PTPRC: variants seen among roughly 807,000 people sequenced by gnomAD.
PTPRC encodes protein tyrosine phosphatase receptor type C, also known as receptor-type tyrosine-protein phosphatase C.
Under a neutral mutation model 155.9 loss-of-function variants are expected in PTPRC, and 44 were observed. The ratio of observed to expected loss-of-function variants is 0.28; its 90% CI spans 0.22 to 0.36. PTPRC has a LOEUF of 0.36. Among genes scored for constraint, PTPRC ranks in the 10% least tolerant of loss-of-function variants. The pLI is 1.00. For missense variants in PTPRC, 1,401 were observed against 1,564.6 expected (o/e 0.90, Z 1.76); for synonymous variants, 525 against 533.1 (o/e 0.98, Z 0.21).
chr1:198,688,532 G>T (rs1371955117), intron 2 of PTPRC, among the ~76,000 whole-genome samples: 2 of 152,132 alleles, frequency 1.3e-5, no homozygotes, highest in Non-Finnish European at 2.9e-5. Context: ...TGACTTTCCT[G>T]TCAAAATAGT....
chr1:198,753,259 CATT>C (rs1424640653), intron 31 of PTPRC, among the ~76,000 whole-genome samples: 2 of 151,912 alleles, frequency 1.3e-5, no homozygotes, highest in African/African-American at 4.8e-5. Context: ...ATTTGAAACT[CATT>C]ATTTAATTTT....
chr1:198,655,227 C>G (rs1031901248), intron 2 of PTPRC, among the ~76,000 whole-genome samples: 5 of 149,794 alleles, frequency 3.3e-5, no homozygotes, highest in African/African-American at 1.2e-4. Flanking sequence ...ATTCCTGTAC[C>G]AAACATTTTA....
intron 2 of PTPRC, chr1:198,679,915 G>A (rs1279990455): frequency 1.7e-5 from 10 of 605,488 alleles, no homozygotes. Flanking sequence ...AACCTAGGTG[G>A]GCGTCAGCAC....
At chr1:198,655,692 TG>T (rs1265121234) in intron 2 of PTPRC, among the ~76,000 whole-genome samples, 2 of 152,012 alleles carry the variant, frequency 1.3e-5, no homozygotes, top group African/African-American at 4.8e-5. Context: ...ACAATCTAGT[TG>T]GAGAACTGAG....
intron 3 of PTPRC, 102 bp downstream of exon 3, chr1:198,692,475 G>T: frequency 8.6e-7 from 1 of 1,157,964 alleles, no homozygotes; most frequent in South Asian, 2.7e-5. Flanking sequence ...TTATTTTTAA[G>T]GATAAATTTT....
chr1:198,658,991 A>C (rs988406128), intron 2 of PTPRC, among the ~76,000 whole-genome samples: 2 of 152,176 alleles, frequency 1.3e-5, no homozygotes, highest in Non-Finnish European at 1.5e-5. Context: ...CGTTCTGCTA[A>C]GGAAAAGAAT....
Position 198,732,285 on chromosome 1 carries a change from CGTT to C in PTPRC, c.1975-11_1975-9del. The C allele has an allele frequency of 1.9e-6, 3 of 1,594,672 alleles. No individual in the cohort carries two copies. In the South Asian group the frequency reaches 3.3e-5, roughly 18 times the overall value. ...CTGAATCTGCTGTGATCCAAGAAAT[CGTT>C]GTTTCTTTCAGAGCATCCCGCGGGT... On this transcript the variant is annotated splice_polypyrimidine_tract_variant and intron_variant, in intron 18 of 32. Transcript: ENST00000442510.
chr1:198,729,009 T>A (rs1654268572), intron 16 of PTPRC, 128 bp from the exon 17 acceptor site: 1 of 1,033,652 alleles, frequency 9.7e-7, no homozygotes, highest in Non-Finnish European at 1.4e-6. Flanking sequence ...TCCTCTCCTC[T>A]CTTCCCCTTT....
intron 23 of PTPRC, among the ~76,000 whole-genome samples, chr1:198,737,197 T>C (rs1377337877): frequency 4.0e-5 from 6 of 151,714 alleles, no homozygotes; most frequent in Non-Finnish European, 7.4e-5. Context: ...TAACTTGATG[T>C]AATTCTACTT....
intron 2 of PTPRC, among the ~76,000 whole-genome samples, chr1:198,639,730 T>A (rs1003373929): frequency 6.6e-6 from 1 of 152,074 alleles, no homozygotes; most frequent in Non-Finnish European, 1.5e-5. Flanking sequence ...ACAAATTTGA[T>A]CTTTTAAAAA....
chr1:198,716,167 A>G (rs1252902613), intron 12 of PTPRC, among the ~76,000 whole-genome samples: 3 of 152,148 alleles, frequency 2.0e-5, no homozygotes, highest in African/African-American at 7.2e-5. Context: ...CCTCATTCTC[A>G]CAGCTCCCGT....
Position 198,716,648 on chromosome 1 carries a change from C to A in PTPRC, c.1292-34C>A, listed in dbSNP as rs766408493. On this transcript the variant is annotated intron_variant, in intron 12 of 32. Transcript: ENST00000442510. The stretch of plus-strand genomic sequence containing the variant: ...GGTACGTGGTAGTACTGACTTTTAA[C>A]GACTTACTAATTTTTTTTCACATTT... The A allele has an allele frequency of 8.8e-6, 14 of 1,596,274 alleles. No homozygotes were observed. In the African/African-American group the frequency reaches 1.5e-4, roughly 17 times the overall value.
rs141414674 is a variant in PTPRC at position 198,639,307 on chromosome 1, C to T, written c.39C>T (p.Gly13=). 957 of 1,613,332 alleles carry T rather than the reference C, an allele frequency of 5.9e-4. 2 individuals are homozygous for T. Among genetic ancestry groups the T allele is most frequent in the Non-Finnish European group, 7.2e-4 (854 of 1,179,430 alleles). ...MYLWLKLLAF[G]FAFLDTEVFV... ...TGTGGCTTAAACTCTTGGCATTTGG[C>T]TTTGCCTTTCTGGACACAGAAGTAT... is the stretch of plus-strand genomic sequence containing the variant. The change falls in exon 2 of 33, where the codon GGC becomes GGT. Residue 13 remains glycine (G), a synonymous_variant. Transcript: ENST00000442510.
intron 2 of PTPRC, among the ~76,000 whole-genome samples, chr1:198,646,975 A>G (rs1040156591): frequency 3.3e-5 from 5 of 151,976 alleles, no homozygotes; most frequent in African/African-American, 1.2e-4. Flanking sequence ...ATCTCTTCAG[A>G]TTTGTCTGGC....
rs761348769 is a variant in PTPRC at position 198,718,311 on chromosome 1, A to G, written c.1659+9A>G. Reference sequence around the variant, plus strand: ...CAGACTACACTTTTAAGGTAAAAGTATGCTCTCTACATTACTATAGTACCA... The same window carrying G: ...CAGACTACACTTTTAAGGTAAAAGTGTGCTCTCTACATTACTATAGTACCA... On this transcript the variant is annotated intron_variant, in intron 14 of 32. Transcript: ENST00000442510. The G allele has an allele frequency of 1.2e-5, 19 of 1,590,980 alleles. 1 individual carries two copies. The highest frequency in any genetic ancestry group is 6.7e-5 in the South Asian group (6 of 90,192).
intron 20 of PTPRC, among the ~76,000 whole-genome samples, chr1:198,733,554 C>G (rs1053274660): frequency 6.6e-6 from 1 of 151,750 alleles, no homozygotes; most frequent in African/African-American, 2.4e-5. Context: ...CCTTTAGTTA[C>G]TGAGGTGAAT....
chr1:198,712,924 A>G (rs201705747), intron 11 of PTPRC, 29 bp from the exon 12 acceptor site: 52 of 1,596,626 alleles, frequency 3.3e-5, no homozygotes, highest in Non-Finnish European at 4.3e-5. Flanking sequence ...TATTTTTCAT[A>G]TTACATAACA....
intron 2 of PTPRC, among the ~76,000 whole-genome samples, chr1:198,676,857 A>G (rs1335073209): frequency 6.6e-6 from 1 of 152,174 alleles, no homozygotes; most frequent in Non-Finnish European, 1.5e-5. Flanking sequence ...TGCTCAGTAT[A>G]AGTTGCATGA....
In PTPRC at chr1:198,752,361, G is replaced by GTTT. The variant is rs766106313; in HGVS notation, c.3320_3321insTTT (p.Arg1107delinsSerLeu). 3.5e-5 allele frequency: 57 copies of GTTT among 1,612,560 alleles called. No homozygotes were observed. The highest frequency in any genetic ancestry group is 4.7e-5 in the Non-Finnish European group (55 of 1,179,252). On this transcript the variant is annotated protein_altering_variant, in exon 30 of 33. Transcript: ENST00000442510. ...TATACCCTTCGTGTCTTTGAACTGA[G>GTTT]ACATTCCAAGGTATGGAAACAATTT...
Sources: gnomAD v4.1 joint callset for allele counts (sites outside exome capture counted in the v4.1 genomes callset) on GRCh38, gnomAD v4.1.1 for gene constraint, MANE v1.5 for transcripts, NCBI Gene and HGNC (gene_info 2026-07-23, HGNC 2026-07-21) for gene names.